Variants in PGBD5 observed in about 807,000 individuals in gnomAD.
PGBD5 encodes piggyBac transposable element derived 5, also known as piggyBac transposable element-derived protein 5.
Under a neutral mutation model 47.9 loss-of-function variants are expected in PGBD5, and 14 were observed. The observed-to-expected ratio is 0.29, with a 90% CI of 0.19 to 0.46. The LOEUF (loss-of-function observed/expected upper bound fraction) is 0.46. Ranked by LOEUF, PGBD5 falls within the 20% of genes least tolerant of loss-of-function variation. The pLI, the probability that PGBD5 is intolerant of heterozygous loss-of-function variation, is 1.00. For synonymous variants in PGBD5, 316 were observed against 306.3 expected, an observed-to-expected ratio of 1.03 and a Z score of -0.33; for missense variants, 635 against 716.0, an observed-to-expected ratio of 0.89 and a Z score of 1.29.
At chr1:230,371,589 G>C (rs951769955) in intron 1 of PGBD5, among the ~76,000 whole-genome samples, 8 of 152,176 alleles carry the variant, frequency 5.3e-5, no homozygotes, top group African/African-American at 1.9e-4. Flanking sequence ...TGTTCAACTT[G>C]GACAAGAGTC....
chr1:230,425,584 G>C lies in PGBD5; in HGVS notation c.331+14C>G, dbSNP rs1244043824. 4 of 1,219,026 alleles carry C rather than the reference G, an allele frequency of 3.3e-6. No individual in the cohort carries two copies. The highest frequency in any genetic ancestry group is 1.6e-5 in the African/African-American group (1 of 63,632). 75.5% of individuals were successfully genotyped at this position (1,219,026 alleles called of 1,614,324 possible). A position where few individuals can be genotyped will look rare whatever the true frequency, so the allele number is the denominator to read the frequency against. Reference sequence around the variant, plus strand: ...AGCGCCGCCCCCGACATCCACCCGCGGGCAGCCCCTTACCGCCGGTATCCT... The same window carrying C: ...AGCGCCGCCCCCGACATCCACCCGCCGGCAGCCCCTTACCGCCGGTATCCT... On this transcript the variant is annotated intron_variant, in intron 1 of 6. Coordinates refer to ENST00000391860, the MANE Select transcript of PGBD5 (RefSeq NM_001258311.2). This position sits in a 1 kb window ranked among gnomAD's most constrained non-coding sequence, Gnocchi z 4.7.
chr1:230,323,485 C>A lies in PGBD5; in HGVS notation c.1515G>T (p.Gln505His), dbSNP rs1282291627. The change falls in exon 7 of 7, where the codon CAG becomes CAT. Residue 505 changes from glutamine (Q) to histidine (H), a missense_variant. Physicochemically the swap from Gln to His is conservative, Grantham distance 24. Transcript: ENST00000391860. This position sits in a 1 kb window ranked among gnomAD's most constrained non-coding sequence, Gnocchi z 4.1. The part of the protein sequence containing the change: ...AYHVKRYSRA[Q>H]FGERLVRELL... ...GCTCTCTGACGAGTCTCTCTCCAAA[C>A]TGCGCCCGGCTGTACCTCTTCACGT... 1 of 1,614,200 alleles carries A rather than the reference C, an allele frequency of 6.2e-7. No individual in the cohort carries two copies. Among genetic ancestry groups the A allele is most frequent in the East Asian group, 2.2e-5 (1 of 44,878 alleles).
At chr1:230,390,650 C>T (rs1245301396) in intron 1 of PGBD5, among the ~76,000 whole-genome samples, 1 of 152,176 alleles carries the variant, frequency 6.6e-6, no homozygotes, top group Non-Finnish European at 1.5e-5. Flanking sequence ...GTTGCTCCTG[C>T]AGCTCAGAAT....
intron 1 of PGBD5, among the ~76,000 whole-genome samples, chr1:230,388,421 T>G (rs1656703727): frequency 6.6e-6 from 1 of 151,082 alleles, no homozygotes; most frequent in Non-Finnish European, 1.5e-5. Context: ...CCACATTTTT[T>G]TTTTTTTTTT....
In PGBD5 at chr1:230,323,113, A is replaced by G. The variant is rs1210589062; in HGVS notation, c.*312T>C. The G allele has an allele frequency of 3.1e-6, 1 of 322,888 alleles. No individual in the cohort carries two copies. The highest frequency in any genetic ancestry group is 5.7e-6 in the Non-Finnish European group (1 of 174,872). The allele number at this position is 322,888 out of a possible 1,614,324, so 20.0% of individuals were successfully genotyped here. A position where few individuals can be genotyped will look rare whatever the true frequency, so the allele number is the denominator to read the frequency against. On this transcript the variant is annotated 3_prime_UTR_variant, in exon 7 of 7. Transcript: ENST00000391860. This position sits in a 1 kb window ranked among gnomAD's most constrained non-coding sequence, Gnocchi z 4.1. ...TTCTACCACGGGGGCCTTCCTTCAC[A>G]GTCACCAGTCCACGCTGCCTCGCAA...
At chr1:230,398,382 ATG>A (rs1313212346) in intron 1 of PGBD5, among the ~76,000 whole-genome samples, 1 of 147,378 alleles carries the variant, frequency 6.8e-6, no homozygotes, top group East Asian at 2.2e-4. Context: ...GGGCTCCCCC[ATG>A]TGTGTCTGTG....
At chr1:230,362,641 G>A (rs970344218) in intron 1 of PGBD5, among the ~76,000 whole-genome samples, 1 of 152,106 alleles carries the variant, frequency 6.6e-6, no homozygotes, top group Non-Finnish European at 1.5e-5. Context: ...TGGTCTGCTT[G>A]TGTGGCCCGT....
intron 2 of PGBD5, among the ~76,000 whole-genome samples, chr1:230,353,741 T>C (rs1206246610): frequency 6.6e-6 from 1 of 152,122 alleles, no homozygotes; most frequent in East Asian, 1.9e-4. Flanking sequence ...GCAGAGACAA[T>C]GACCCTCCAA....
intron 1 of PGBD5, chr1:230,377,660 A>G: frequency 6.8e-7 from 1 of 1,459,930 alleles, no homozygotes; most frequent in Non-Finnish European, 9.1e-7. Context: ...CAAGGTACAT[A>G]ATCCCACACA....
chr1:230,415,186 G>C (rs1247768951), intron 1 of PGBD5, among the ~76,000 whole-genome samples: 1 of 152,014 alleles, frequency 6.6e-6, no homozygotes, highest in East Asian at 1.9e-4. Flanking sequence ...GAGGTGGGAG[G>C]ACTGCTTGAG....
At chr1:230,412,200 T>C (rs910157948) in intron 1 of PGBD5, among the ~76,000 whole-genome samples, 1 of 152,158 alleles carries the variant, frequency 6.6e-6, no homozygotes, top group African/African-American at 2.4e-5. Context: ...TCAACGAAAT[T>C]ACAGTTGGCC....
intron 1 of PGBD5, among the ~76,000 whole-genome samples, chr1:230,379,596 C>T (rs978269508): frequency 2.0e-5 from 3 of 152,256 alleles, no homozygotes; most frequent in Non-Finnish European, 1.5e-5. Flanking sequence ...GCATGCAATG[C>T]CCTTCAGGCC....
intron 3 of PGBD5, among the ~76,000 whole-genome samples, chr1:230,341,250 A>G (rs1667404272): frequency 6.6e-6 from 1 of 152,208 alleles, no homozygotes; most frequent in Non-Finnish European, 1.5e-5. Context: ...TTGGCAAGGC[A>G]GTCAAAATCT....
intron 1 of PGBD5, among the ~76,000 whole-genome samples, chr1:230,411,831 A>T (rs565854076): frequency 7.9e-5 from 12 of 152,236 alleles, no homozygotes; most frequent in Non-Finnish European, 1.5e-4. Context: ...CTTCGTCAAC[A>T]AATTAATTAT....
chr1:230,413,093 G>A (rs898853889), intron 1 of PGBD5, among the ~76,000 whole-genome samples: 6 of 152,056 alleles, frequency 3.9e-5, no homozygotes, highest in South Asian at 4.2e-4. Context: ...AAGGGCCTGC[G>A]GTACATTGTT....
In PGBD5 at chr1:230,412,901, G is replaced by A. The variant is rs78711290; in HGVS notation, c.331+12697C>T. Among the ~76,000 whole-genome samples, 7 of 152,158 alleles carry A rather than the reference G, an allele frequency of 4.6e-5. No individual in the cohort carries two copies. The South Asian group carries it at 6.2e-4, about 14-fold the overall frequency. On this transcript the variant is annotated intron_variant, in intron 1 of 6. Coordinates refer to ENST00000391860, the MANE Select transcript of PGBD5 (RefSeq NM_001258311.2). ...TAAAGATTGCATGCAATATCACAAC[G>A]ACTAATAAAAAGTCCTCCTTTTGTT...
chr1:230,323,651 C>T lies in PGBD5; in HGVS notation c.1380-31G>A. Reference sequence around the variant, plus strand: ...GACAGAGGGAATAAGAACGGCTGACCCGATGGTTCATGGCACCCGGAGATG... The same window carrying T: ...GACAGAGGGAATAAGAACGGCTGACTCGATGGTTCATGGCACCCGGAGATG... On this transcript the variant is annotated intron_variant, in intron 6 of 6. Coordinates refer to ENST00000391860, the MANE Select transcript of PGBD5 (RefSeq NM_001258311.2). The surrounding 1 kb of genome is among the most constrained non-coding windows in gnomAD (Gnocchi z 4.1). The T allele has an allele frequency of 6.3e-7, 1 of 1,592,506 alleles. No homozygotes were observed.
At chr1:230,366,311 G>A (rs1273403641) in intron 1 of PGBD5, among the ~76,000 whole-genome samples, 2 of 152,154 alleles carry the variant, frequency 1.3e-5, no homozygotes, top group Non-Finnish European at 2.9e-5. Context: ...CTGTAGGGAT[G>A]AGAGATGGAT....
At chr1:230,355,663 A>T (rs1484973976) in intron 2 of PGBD5, among the ~76,000 whole-genome samples, 1 of 152,230 alleles carries the variant, frequency 6.6e-6, no homozygotes, top group Non-Finnish European at 1.5e-5. Context: ...GCGCAGTGGC[A>T]TCTGGCTGCC....
Sources: gnomAD v4.1 joint callset for allele counts (sites outside exome capture counted in the v4.1 genomes callset) on GRCh38, gnomAD v4.1.1 for gene constraint, Gnocchi (gnomAD v3.1) non-coding constraint, MANE v1.5 for transcripts, NCBI Gene and HGNC (gene_info 2026-07-23, HGNC 2026-07-21) for gene names.